PLEKHA5: variants seen among roughly 807,000 people sequenced by gnomAD.
PLEKHA5 encodes the protein pleckstrin homology domain-containing family A member 5.
In PLEKHA5, 55 loss-of-function variants were observed where a neutral mutation model predicts 181.9. The observed-to-expected ratio is 0.30, with a 90% confidence interval of 0.24 to 0.38. The LOEUF (loss-of-function observed/expected upper bound fraction) is 0.38, where lower values mean the gene tolerates loss of function less well. PLEKHA5 is among the 10% of genes least tolerant of loss of function. The probability of loss-of-function intolerance (pLI) is 1.00; values close to 1 mark genes in which losing one functional copy is unlikely to be tolerated. For missense variants in PLEKHA5, 1,432 were observed against 1,549.5 expected (o/e 0.92, Z 1.27); for synonymous variants, 535 against 529.4 (o/e 1.01, Z -0.15).
chr12:19,233,931 A>G (rs935630265), intron 3 of PLEKHA5, among the ~76,000 whole-genome samples: 2 of 152,206 alleles, frequency 1.3e-5, no homozygotes, highest in African/African-American at 2.4e-5. Flanking sequence ...TGGAGCATTG[A>G]TCCGCAGTCT....
chr12:19,270,362 T>G (rs1353796359), intron 10 of PLEKHA5, among the ~76,000 whole-genome samples, 157 bp downstream of exon 10: 1 of 152,176 alleles, frequency 6.6e-6, no homozygotes, highest in African/African-American at 2.4e-5. Context: ...GTGTGATGAA[T>G]TACAGTAAGA....
intron 10 of PLEKHA5, among the ~76,000 whole-genome samples, chr12:19,272,810 A>T (rs1456298671): frequency 2.0e-5 from 3 of 152,208 alleles, no homozygotes; most frequent in Admixed American, 6.5e-5. Flanking sequence ...AATATGTTTT[A>T]AAAATCTTTT....
chr12:19,348,623 C>CAA, intron 25 of PLEKHA5, 104 bp downstream of exon 25: 6 of 771,506 alleles, frequency 7.8e-6, no homozygotes, highest in Non-Finnish European at 1.2e-5. Flanking sequence ...ATATATGAGT[C>CAA]CAACCCTTTA....
chr12:19,239,152 T>A (rs963675864), intron 3 of PLEKHA5, among the ~76,000 whole-genome samples: 1 of 152,194 alleles, frequency 6.6e-6, no homozygotes, highest in Non-Finnish European at 1.5e-5. Context: ...AAGAAATGAA[T>A]TGGCAAAGCA....
chr12:19,356,812 C>T (rs1351181659), intron 26 of PLEKHA5, among the ~76,000 whole-genome samples: 3 of 151,824 alleles, frequency 2.0e-5, no homozygotes, highest in African/African-American at 7.3e-5. Flanking sequence ...AGGCGCCCGC[C>T]ATCATGCCCA....
intron 22 of PLEKHA5, 61 bp downstream of exon 22, chr12:19,343,495 G>A (rs1287107958): frequency 1.1e-6 from 1 of 923,578 alleles, no homozygotes; most frequent in Non-Finnish European, 1.8e-6. Flanking sequence ...TGTGTCGCTT[G>A]GTGACAGATT....
chr12:19,288,411 TAA>T (rs2077696399), intron 13 of PLEKHA5, among the ~76,000 whole-genome samples: 1 of 152,212 alleles, frequency 6.6e-6, no homozygotes, highest in African/African-American at 2.4e-5. Flanking sequence ...TTCTTCTAGT[TAA>T]AGAGAAAAGA....
chr12:19,286,245 C>T (rs994023194), intron 12 of PLEKHA5, among the ~76,000 whole-genome samples: 1 of 152,030 alleles, frequency 6.6e-6, no homozygotes, highest in Non-Finnish European at 1.5e-5. Context: ...TCCAGATGAC[C>T]AGTGTTTGAT....
chr12:19,184,197 G>C (rs1212684637), intron 3 of PLEKHA5, among the ~76,000 whole-genome samples: 3 of 152,068 alleles, frequency 2.0e-5, no homozygotes, highest in Non-Finnish European at 4.4e-5. Flanking sequence ...AGAAAGTAGT[G>C]ATTTTTAAAT....
intron 12 of PLEKHA5, among the ~76,000 whole-genome samples, chr12:19,284,014 T>C (rs748147592): frequency 3.9e-5 from 6 of 152,166 alleles, no homozygotes; most frequent in Admixed American, 1.3e-4. Flanking sequence ...ATACCATATC[T>C]CATCAGTTCT....
intron 12 of PLEKHA5, among the ~76,000 whole-genome samples, chr12:19,286,329 A>G (rs1383971902): frequency 6.6e-6 from 1 of 152,236 alleles, no homozygotes; most frequent in Non-Finnish European, 1.5e-5. Flanking sequence ...GTTCATTGAT[A>G]AGGTTTCAGA....
intron 20 of PLEKHA5, among the ~76,000 whole-genome samples, chr12:19,325,460 C>T (rs1303722339): frequency 4.0e-5 from 6 of 151,816 alleles, no homozygotes; most frequent in Non-Finnish European, 7.4e-5. Context: ...GAGGCCGAGA[C>T]GGGCGGATCA....
intron 16 of PLEKHA5, among the ~76,000 whole-genome samples, chr12:19,315,678 A>G (rs1228079005): frequency 6.6e-6 from 1 of 152,158 alleles, no homozygotes; most frequent in Non-Finnish European, 1.5e-5. Flanking sequence ...GACCTTTACA[A>G]TCTTTAAAAA....
In PLEKHA5 at chr12:19,359,434, A is replaced by T; in HGVS notation, c.3371A>T (p.Glu1124Val). ...TTQTRRRDDK[E>V]LDTAIRENDV... ...CAGACTCGAAGGAGGGATGATAAGGAACTGGACACTGCCATTAGAGAAAAT... is the reference window on the plus strand; with the variant it reads ...CAGACTCGAAGGAGGGATGATAAGGTACTGGACACTGCCATTAGAGAAAAT... Residue 1124 changes from glutamate to valine, a missense_variant, in exon 28 of 32, where the codon GAA becomes GTA. Glu to Val is a moderately radical substitution (Grantham distance 121). Around this residue, in one of 2 missense-constraint regions of PLEKHA5, gnomAD observed 1,143 missense variants for 1,168.4 expected, o/e 0.98. Transcript: ENST00000429027. 1 of 1,613,612 alleles carries T rather than the reference A, an allele frequency of 6.2e-7. No homozygotes were observed.
At chr12:19,271,311 C>T (rs779570537) in intron 10 of PLEKHA5, among the ~76,000 whole-genome samples, 8 of 152,014 alleles carry the variant, frequency 5.3e-5, no homozygotes, top group Non-Finnish European at 1.0e-4. Context: ...TTGAGATCAG[C>T]CTGGGCAACA....
At chr12:19,304,842 C>A (rs1011124157) in intron 15 of PLEKHA5, among the ~76,000 whole-genome samples, 4 of 151,364 alleles carry the variant, frequency 2.6e-5, no homozygotes, top group Non-Finnish European at 5.9e-5. Flanking sequence ...TGCCTGTAAT[C>A]CTACCACTTT....
intron 3 of PLEKHA5, among the ~76,000 whole-genome samples, chr12:19,248,473 C>T (rs778794531): frequency 2.4e-4 from 37 of 152,272 alleles, no homozygotes; most frequent in Middle Eastern, 3.4e-3. Context: ...GCTGGGATTA[C>T]AGGCTTAATA....
At chr12:19,274,471 A>G in intron 10 of PLEKHA5, 45 bp from the exon 11 acceptor site, 1 of 1,299,812 alleles carries the variant, frequency 7.7e-7, no homozygotes. Context: ...AGTAATATGT[A>G]CATTATTTCA....
At chr12:19,307,161 G>T in intron 15 of PLEKHA5, 1 of 755,592 alleles carries the variant, frequency 1.3e-6, no homozygotes, top group Non-Finnish European at 2.4e-6. Context: ...GTCTGAAATC[G>T]GATACCTCTA....
Sources: allele counts gnomAD v4.1 joint callset (sites outside exome capture counted in the v4.1 genomes callset), GRCh38; gene constraint gnomAD v4.1.1; regional missense constraint gnomAD v4.1.1; transcripts MANE v1.5; gene names NCBI Gene and HGNC (gene_info 2026-07-23, HGNC 2026-07-21).